ARMC8: variants seen among roughly 807,000 people sequenced by gnomAD.
ARMC8 encodes the protein armadillo repeat containing 8.
In ARMC8, 20 loss-of-function variants were observed where a neutral mutation model predicts 99.3. The ratio of observed to expected loss-of-function variants is 0.20; its 90% confidence interval spans 0.14 to 0.29. ARMC8 has a LOEUF of 0.29. Ranked by LOEUF, ARMC8 falls within the 10% of genes least tolerant of loss-of-function variation. The pLI is 1.00. For missense variants in ARMC8, 569 were observed against 809.5 expected, an observed-to-expected ratio of 0.70 and a Z score of 3.60; for synonymous variants, 263 against 278.3, an observed-to-expected ratio of 0.95 and a Z score of 0.55.
At chr3:138,263,945 A>C in intron 13 of ARMC8, 124 bp downstream of exon 13, 1 of 1,037,324 alleles carries the variant, frequency 9.6e-7, no homozygotes, top group Non-Finnish European at 1.5e-6. Flanking sequence ...AGGTGAATTC[A>C]TAGAGTATAT....
chr3:138,216,485 A>G (rs1405758069), intron 2 of ARMC8, among the ~76,000 whole-genome samples: 4 of 152,230 alleles, frequency 2.6e-5, no homozygotes, highest in Admixed American at 2.0e-4. Context: ...GAATATGAAT[A>G]TACCTCATTC....
chr3:138,292,707 A>G (rs2051086071), intron 21 of ARMC8, among the ~76,000 whole-genome samples: 1 of 152,190 alleles, frequency 6.6e-6, no homozygotes, highest in African/African-American at 2.4e-5. Flanking sequence ...TAAGATGCAT[A>G]TTAGATATCC....
chr3:138,257,692 G>T (rs1421211754), intron 12 of ARMC8, among the ~76,000 whole-genome samples: 1 of 152,110 alleles, frequency 6.6e-6, no homozygotes, highest in Non-Finnish European at 1.5e-5. Flanking sequence ...AAATTTAAGT[G>T]AGGAACTCTA....
At chr3:138,240,721 T>C (rs2046570144) in intron 10 of ARMC8, among the ~76,000 whole-genome samples, 1 of 152,246 alleles carries the variant, frequency 6.6e-6, no homozygotes, top group South Asian at 2.1e-4. Context: ...TTATTATATA[T>C]AAAAGAGCAA....
intron 11 of ARMC8, among the ~76,000 whole-genome samples, chr3:138,244,746 A>G (rs1175388553): frequency 6.6e-6 from 1 of 152,228 alleles, no homozygotes; most frequent in African/African-American, 2.4e-5. Context: ...CATTTCAAAG[A>G]GCTGCTGCAA....
At chr3:138,271,167 C>G (rs957654641) in intron 16 of ARMC8, among the ~76,000 whole-genome samples, 3 of 152,196 alleles carry the variant, frequency 2.0e-5, no homozygotes. Flanking sequence ...AAGAAAGCAA[C>G]AAATCTGTAG....
At chr3:138,273,992 A>G (rs1222673704) in intron 17 of ARMC8, among the ~76,000 whole-genome samples, 1 of 151,566 alleles carries the variant, frequency 6.6e-6, no homozygotes, top group Non-Finnish European at 1.5e-5. Context: ...AATTTTTTGT[A>G]TTTGTAGTAG....
At chr3:138,226,481 T>G (rs774832355) in intron 5 of ARMC8, among the ~76,000 whole-genome samples, 18 of 152,218 alleles carry the variant, frequency 1.2e-4, no homozygotes, top group Non-Finnish European at 2.1e-4. Flanking sequence ...TCTTGGGTTT[T>G]GCATTTCTAA....
At position 138,240,785 on chromosome 3, in the gene ARMC8, A is replaced by G. The variant is rs928686377; in HGVS notation, c.838-998A>G. On this transcript the variant is annotated intron_variant, in intron 10 of 21. Transcript: ENST00000469044. ...GACTTTCTATAATGATAACATTTCAATTTATACTTCCACATTGTCCTTTCA... is the reference window on the plus strand; with the variant it reads ...GACTTTCTATAATGATAACATTTCAGTTTATACTTCCACATTGTCCTTTCA... Among the ~76,000 whole-genome samples, 3 of 152,216 alleles carry G rather than the reference A, an allele frequency of 2.0e-5. No homozygotes were observed. The East Asian group carries it at 5.8e-4, about 29-fold the overall frequency.
At chr3:138,233,208 A>G (rs555759887) in intron 6 of ARMC8, among the ~76,000 whole-genome samples, 3 of 152,354 alleles carry the variant, frequency 2.0e-5, no homozygotes, top group Non-Finnish European at 2.9e-5. Flanking sequence ...ACCTATGCTT[A>G]TAACTGCAGA....
At chr3:138,222,946 A>C (rs2045482171) in intron 3 of ARMC8, among the ~76,000 whole-genome samples, 1 of 152,192 alleles carries the variant, frequency 6.6e-6, no homozygotes, top group African/African-American at 2.4e-5. Context: ...GAGCTGCACA[A>C]GGGCTCTGAA....
Position 138,237,496 on chromosome 3 carries a change from G to C in ARMC8, c.700G>C (p.Glu234Gln). 1 of 1,613,850 alleles carries C rather than the reference G, an allele frequency of 6.2e-7. No homozygotes were observed. Among genetic ancestry groups the C allele is most frequent in the Non-Finnish European group, 8.5e-7 (1 of 1,179,860 alleles). ...MTLVNVLVDG[E>Q]LLPQIFVKML... ...TTTATTTCTAGTTTTGGTTGATGGA[G>C]AATTGTTACCACAGATTTTTGTGAA... Residue 234 changes from glutamate to glutamine, a missense_variant, in exon 9 of 22, where the codon GAA becomes CAA. Coordinates refer to ENST00000469044, the MANE Select transcript of ARMC8 (RefSeq NM_001363941.2).
At chr3:138,212,233 T>G (rs1274253934) in intron 2 of ARMC8, among the ~76,000 whole-genome samples, 2 of 152,154 alleles carry the variant, frequency 1.3e-5, no homozygotes, top group Admixed American at 1.3e-4. Flanking sequence ...ACTTTGTTAC[T>G]GTCTGAAAAT....
At chr3:138,221,409 T>G (rs552097596) in intron 2 of ARMC8, among the ~76,000 whole-genome samples, 1 of 151,996 alleles carries the variant, frequency 6.6e-6, no homozygotes, top group South Asian at 2.1e-4. Flanking sequence ...CTGACTGTGA[T>G]AAATTAAAAG....
rs568785694 is a variant in ARMC8, at chr3:138,289,966, C to T, written c.1895-580C>T. The stretch of plus-strand genomic sequence containing the variant: ...AAGTGCAAGAAGGGAAACTGGATTC[C>T]GCCCACAGACCTAGATACCACGTAC... On this transcript the variant is annotated intron_variant, in intron 20 of 21. Coordinates refer to ENST00000469044, the MANE Select transcript of ARMC8 (RefSeq NM_001363941.2). Among the ~76,000 whole-genome samples the T allele has an allele frequency of 4.6e-5, 7 of 152,214 alleles. No homozygotes were observed. In the East Asian group the frequency reaches 5.8e-4, roughly 13 times the overall value.
At chr3:138,280,475 G>A (rs568831999) in intron 18 of ARMC8, among the ~76,000 whole-genome samples, 1 of 148,676 alleles carries the variant, frequency 6.7e-6, no homozygotes, top group African/African-American at 2.5e-5. Context: ...CCACCACCAT[G>A]CCTGGTTACT....
rs563734566 is a variant in ARMC8 at position 138,231,210 on chromosome 3, T to A, written c.528+2200T>A. Among the ~76,000 whole-genome samples the A allele has an allele frequency of 5.9e-5, 9 of 152,310 alleles. No individual in the cohort carries two copies. The South Asian group carries it at 8.3e-4, about 14-fold the overall frequency. On this transcript the variant is annotated intron_variant, in intron 6 of 21. Transcript: ENST00000469044. ...TTTACCGATATACTGACAACATGTA[T>A]CTTTGAGAACAACTGATCCAATGGT...
intron 12 of ARMC8, among the ~76,000 whole-genome samples, chr3:138,249,972 C>T (rs893133762): frequency 1.3e-5 from 2 of 152,086 alleles, no homozygotes; most frequent in Non-Finnish European, 2.9e-5. Context: ...TAAATACTTT[C>T]TAAATGCTTT....
intron 2 of ARMC8, among the ~76,000 whole-genome samples, chr3:138,216,809 C>T (rs2045072248): frequency 6.6e-6 from 1 of 152,112 alleles, no homozygotes; most frequent in South Asian, 2.1e-4. Context: ...ACCAGAAATA[C>T]ACATAGAGTA....
Sources: allele counts gnomAD v4.1 joint callset (sites outside exome capture counted in the v4.1 genomes callset), GRCh38; gene constraint gnomAD v4.1.1; transcripts MANE v1.5; gene names NCBI Gene and HGNC (gene_info 2026-07-23, HGNC 2026-07-21).